ACSM2A: variants seen among roughly 807,000 people sequenced by gnomAD.
The protein encoded by ACSM2A is acyl-coenzyme A synthetase ACSM2A, mitochondrial.
A neutral mutation model predicts 76.6 loss-of-function variants in ACSM2A; 72 were observed. That is an observed-to-expected ratio of 0.94 (90% CI 0.78 to 1.14). ACSM2A has a LOEUF of 1.14. Among genes scored for constraint, ACSM2A ranks in the 50% most tolerant of loss-of-function variants. ACSM2A has a pLI of 0.00. For missense variants in ACSM2A, 684 were observed against 708.5 expected, an observed-to-expected ratio of 0.97 and a Z score of 0.39; for synonymous variants, 249 against 255.9, an observed-to-expected ratio of 0.97 and a Z score of 0.26.
chr16:20,487,048 A>G lies in ACSM2A; in HGVS notation c.*370A>G, dbSNP rs2014417709. 6.0e-6 allele frequency: 1 copy of G among 167,792 alleles called. No homozygotes were observed. Among genetic ancestry groups the G allele is most frequent in the African/African-American group, 2.4e-5 (1 of 41,952 alleles). The allele number at this position is 167,792 out of a possible 1,614,324, so 10.4% of individuals were successfully genotyped here. On this transcript the variant is annotated 3_prime_UTR_variant, in exon 14 of 14. Transcript: ENST00000573854. ...GGGGGAGAAAAGATAGAAGAAAAAT[A>G]ATTGAAGGGAGAATCAGAAAAATAA...
At position 20,458,196 on chromosome 16, in the gene ACSM2A, G is replaced by A. The variant is rs576080670; in HGVS notation, c.-8-1911G>A. Among the ~76,000 whole-genome samples, 129 of 151,346 alleles carry A rather than the reference G, an allele frequency of 8.5e-4. 2 individuals carry two copies. In the South Asian group the frequency reaches 0.014, roughly 16 times the overall value. On this transcript the variant is annotated intron_variant, in intron 1 of 13. Transcript: ENST00000573854. ...AAACACATCCTATGCTCATGGATGG[G>A]TAGAATAAATATTGTAAAAATGACT... is the stretch of plus-strand genomic sequence containing the variant.
rs776216631 is a variant in ACSM2A at position 20,477,464 on chromosome 16, C to T, written c.1179+15C>T. 4 of 1,587,818 alleles carry T rather than the reference C, an allele frequency of 2.5e-6. No individual in the cohort carries two copies. The highest frequency in any genetic ancestry group is 3.4e-6 in the Non-Finnish European group (4 of 1,168,764). On this transcript the variant is annotated intron_variant, in intron 9 of 13. Transcript: ENST00000573854. ...ATGATGTACAGGTTTGCTCGGGACA[C>T]TGAGGAGGGAGGAAGTTAGGGGAAA... is the stretch of plus-strand genomic sequence containing the variant.
At chr16:20,471,012 T>C (rs2013357786) in intron 4 of ACSM2A, 61 bp from the exon 5 acceptor site, 2 of 1,603,800 alleles carry the variant, frequency 1.2e-6, no homozygotes, top group Non-Finnish European at 1.7e-6. Context: ...AAAAGATGGG[T>C]CACTTTGATA....
intron 3 of ACSM2A, among the ~76,000 whole-genome samples, chr16:20,468,562 G>A (rs1385456039): frequency 1.3e-5 from 2 of 152,188 alleles, no homozygotes; most frequent in Non-Finnish European, 2.9e-5. Context: ...GTTTCGCCAT[G>A]TTGGCCAGGC....
At chr16:20,469,856 A>G in intron 4 of ACSM2A, 137 bp downstream of exon 4, 1 of 1,254,300 alleles carries the variant, frequency 8.0e-7, no homozygotes, top group South Asian at 1.5e-5. Flanking sequence ...GAAGAAATAA[A>G]AGCTAACACA....
At chr16:20,485,711 C>T (rs2014347081) in intron 13 of ACSM2A, among the ~76,000 whole-genome samples, 1 of 152,230 alleles carries the variant, frequency 6.6e-6, no homozygotes, top group Non-Finnish European at 1.5e-5. Context: ...TCAACAAAGT[C>T]AGTCTTGACT....
chr16:20,473,895 A>G (rs117804172), intron 6 of ACSM2A: 26,016 of 346,646 alleles, frequency 0.075, 1,314 homozygotes, highest in Non-Finnish European at 0.11. Flanking sequence ...TCCTCTGCAA[A>G]TAAGAACTTG....
chr16:20,457,761 A>G (rs1047610629), intron 1 of ACSM2A, among the ~76,000 whole-genome samples: 2 of 152,076 alleles, frequency 1.3e-5, no homozygotes, highest in African/African-American at 2.4e-5. Flanking sequence ...AGAACAAGAC[A>G]TGAATGCTTA....
intron 12 of ACSM2A, chr16:20,481,425 G>A (rs1288707158): frequency 1.3e-5 from 2 of 156,252 alleles, no homozygotes; most frequent in African/African-American, 4.8e-5. Flanking sequence ...GCAGCAACAT[G>A]GAGAGAACTG....
At position 20,469,560 on chromosome 16, in the gene ACSM2A, T is replaced by C; in HGVS notation, c.437T>C (p.Leu146Pro). The C allele has an allele frequency of 1.9e-6, 3 of 1,613,796 alleles. No individual in the cohort carries two copies. Among genetic ancestry groups the C allele is most frequent in the Non-Finnish European group, 2.5e-6 (3 of 1,179,762 alleles). Residue 146 changes from leucine (L) to proline (P), a missense_variant, in exon 4 of 14, where the codon CTG becomes CCG. By Grantham distance (98) the Leu-to-Pro change is moderately conservative (BLOSUM62 -3). Transcript: ENST00000573854. ...ATCCAGATGAAATCCACTGACATAC[T>C]GTATAGGTTGCAGATGTCTAAGGCC... Reference protein sequence around the residue: ...GTIQMKSTDILYRLQMSKAKA... With the variant: ...GTIQMKSTDIPYRLQMSKAKA...
At chr16:20,452,908 T>C (rs1181914727) in intron 1 of ACSM2A, among the ~76,000 whole-genome samples, 3 of 152,196 alleles carry the variant, frequency 2.0e-5, no homozygotes, top group African/African-American at 4.8e-5. Flanking sequence ...AGTGACCCTA[T>C]ACATCATACC....
chr16:20,460,058 A>G, intron 1 of ACSM2A, 49 bp from the exon 2 acceptor site: 5 of 1,546,350 alleles, frequency 3.2e-6, no homozygotes, highest in Non-Finnish European at 4.4e-6. Flanking sequence ...TGATCAGTAG[A>G]GCAATCTGTT....
chr16:20,466,186 A>G (rs957835070), intron 3 of ACSM2A, among the ~76,000 whole-genome samples: 26 of 151,680 alleles, frequency 1.7e-4, no homozygotes, highest in East Asian at 5.9e-4. Flanking sequence ...TAGTTGGAAC[A>G]AGAGAGTGTC....
chr16:20,461,366 A>G (rs575599612), intron 2 of ACSM2A, among the ~76,000 whole-genome samples: 20 of 152,302 alleles, frequency 1.3e-4, no homozygotes, highest in African/African-American at 4.8e-4. Context: ...TGGATTTTTT[A>G]AAGTTATACT....
rs557387960 is a variant in ACSM2A at position 20,456,889 on chromosome 16, G to A, written c.-8-3218G>A. 1.1e-3 allele frequency among the ~76,000 whole-genome samples: 160 copies of A among 147,418 alleles called. 1 individual carries two copies. Among genetic ancestry groups the A allele is most frequent in the African/African-American group, 3.3e-3 (130 of 39,344 alleles). The stretch of plus-strand genomic sequence containing the variant: ...TTCTTTGAAAAGATAAATAAGATTG[G>A]TAGACCATTAGGAAGATTAACCAAA... On this transcript the variant is annotated intron_variant, in intron 1 of 13. Coordinates refer to ENST00000573854, the MANE Select transcript of ACSM2A (RefSeq NM_001308172.2).
chr16:20,478,894 T>A (rs1217396180), intron 10 of ACSM2A, among the ~76,000 whole-genome samples: 1 of 152,174 alleles, frequency 6.6e-6, no homozygotes, highest in African/African-American at 2.4e-5. Flanking sequence ...GAAGACTTAT[T>A]TTTCTTCAGT....
At chr16:20,476,613 C>T (rs182170249) in intron 8 of ACSM2A, 9 of 985,686 alleles carry the variant, frequency 9.1e-6, no homozygotes, top group African/African-American at 1.7e-5. Flanking sequence ...CTTACAAGGA[C>T]ACTCAGGTTC....
intron 6 of ACSM2A, 139 bp downstream of exon 6, chr16:20,471,828 T>C (rs1402467063): frequency 1.4e-6 from 2 of 1,444,200 alleles, no homozygotes; most frequent in African/African-American, 1.4e-5. Context: ...GTAAACGAGA[T>C]GGAAATGGTC....
At chr16:20,456,496 G>C (rs1057314143) in intron 1 of ACSM2A, among the ~76,000 whole-genome samples, 1 of 151,722 alleles carries the variant, frequency 6.6e-6, no homozygotes, top group Non-Finnish European at 1.5e-5. Context: ...ACTCCAAAAG[G>C]AATCTTCAAA....
Sources: allele counts gnomAD v4.1 joint callset (sites outside exome capture counted in the v4.1 genomes callset), GRCh38; gene constraint gnomAD v4.1.1; transcripts MANE v1.5; gene names NCBI Gene and HGNC (gene_info 2026-07-23, HGNC 2026-07-21).